CLASP1: variants seen among roughly 807,000 people sequenced by gnomAD.
The protein encoded by CLASP1 is CLIP-associating protein 1.
In CLASP1, 38 loss-of-function variants were observed where a neutral mutation model predicts 192.3. The observed-to-expected ratio is 0.20, with a 90% CI of 0.15 to 0.26. The LOEUF is 0.26. Among genes scored for constraint, CLASP1 ranks in the 10% least tolerant of loss-of-function variants. The pLI is 1.00. For synonymous variants in CLASP1, 691 were observed against 712.8 expected (o/e 0.97, Z 0.49); for missense variants, 1,433 against 1,932.5 (o/e 0.74, Z 4.85).
At chr2:121,530,812 C>A in intron 2 of CLASP1, 2 of 627,590 alleles carry the variant, frequency 3.2e-6, no homozygotes, top group Admixed American at 2.4e-5. Context: ...GCGAGGCTCA[C>A]GAATTAATTA....
chr2:121,374,109 T>G (rs940735031), intron 34 of CLASP1, among the ~76,000 whole-genome samples: 1 of 152,250 alleles, frequency 6.6e-6, no homozygotes, highest in Non-Finnish European at 1.5e-5. Flanking sequence ...AATGGTTTTG[T>G]GGGCCAGGCC....
chr2:121,614,128 T>G (rs185941602), intron 1 of CLASP1, among the ~76,000 whole-genome samples: 2 of 152,340 alleles, frequency 1.3e-5, no homozygotes, highest in East Asian at 3.9e-4. Context: ...TCCTGAGACC[T>G]GGGATCCACA....
intron 8 of CLASP1, among the ~76,000 whole-genome samples, chr2:121,493,921 G>A (rs1000914131): frequency 3.1e-4 from 47 of 152,292 alleles, no homozygotes; most frequent in African/African-American, 1.1e-3. Context: ...CAGTTGAAAT[G>A]GCTTTAATCC....
intron 8 of CLASP1, among the ~76,000 whole-genome samples, chr2:121,478,796 CACACCACA>C (rs2092118697): frequency 3.0e-5 from 2 of 65,634 alleles, no homozygotes; most frequent in Non-Finnish European, 3.6e-5. Context: ...ACACACACCA[CACACCACA>C]CACACACCCC....
chr2:121,465,074 G>T (rs968721073), intron 9 of CLASP1, among the ~76,000 whole-genome samples: 1 of 152,138 alleles, frequency 6.6e-6, no homozygotes, highest in African/African-American at 2.4e-5. Flanking sequence ...TGCTGAATGG[G>T]CAAAAACTGG....
At chr2:121,438,495 A>G (rs1008737927) in intron 19 of CLASP1, among the ~76,000 whole-genome samples, 13 of 152,278 alleles carry the variant, frequency 8.5e-5, no homozygotes, top group East Asian at 3.9e-4. Flanking sequence ...CCAACTCTCA[A>G]TCTTCACCTT....
At chr2:121,640,817 C>T (rs962957022) in intron 1 of CLASP1, among the ~76,000 whole-genome samples, 7 of 152,188 alleles carry the variant, frequency 4.6e-5, no homozygotes, top group Non-Finnish European at 7.3e-5. Context: ...TATAAAATGA[C>T]AATAGCACCT....
At chr2:121,612,798 C>T (rs1267282927) in intron 1 of CLASP1, among the ~76,000 whole-genome samples, 1 of 152,194 alleles carries the variant, frequency 6.6e-6, no homozygotes, top group East Asian at 1.9e-4. Flanking sequence ...ATAAACAGGA[C>T]TCAGCCCTTG....
At chr2:121,545,522 C>T (rs1421069705) in intron 2 of CLASP1, among the ~76,000 whole-genome samples, 1 of 151,982 alleles carries the variant, frequency 6.6e-6, no homozygotes, top group Non-Finnish European at 1.5e-5. Flanking sequence ...CATTTCTTTT[C>T]GTGTCATTTT....
chr2:121,547,946 T>G (rs576068816), intron 2 of CLASP1, among the ~76,000 whole-genome samples: 11 of 152,158 alleles, frequency 7.2e-5, no homozygotes, highest in East Asian at 1.9e-4. Flanking sequence ...CAATCTACAC[T>G]GCAGTTAAAG....
rs186953185 is a variant in CLASP1 at position 121,364,987 on chromosome 2, A to G, written c.4077+107T>C. ...AACAAATAAATGTTTTGATGTAAAC[A>G]GTAAGCACAACCCAGAAAGTAAAGC... On this transcript the variant is annotated intron_variant, in intron 36 of 39. Coordinates refer to ENST00000263710, the Ensembl canonical transcript of CLASP1. 5.2e-4 allele frequency: 532 copies of G among 1,015,506 alleles called. 4 individuals are homozygous for G. In the East Asian group the frequency reaches 8.6e-3, roughly 16 times the overall value. 62.9% of individuals were successfully genotyped at this position (1,015,506 alleles called of 1,614,324 possible). A position where few individuals can be genotyped will look rare whatever the true frequency, so the allele number is the denominator to read the frequency against.
chr2:121,556,249 G>A (rs1366707257), intron 2 of CLASP1, among the ~76,000 whole-genome samples: 2 of 152,088 alleles, frequency 1.3e-5, no homozygotes, highest in East Asian at 3.9e-4. Context: ...GCCTCCCAAA[G>A]TGCTGGGATT....
At chr2:121,454,920 G>T (rs1283595529) in intron 14 of CLASP1, among the ~76,000 whole-genome samples, 1 of 152,226 alleles carries the variant, frequency 6.6e-6, no homozygotes, top group Admixed American at 6.5e-5. Flanking sequence ...TTTACGTAAT[G>T]ATTGTGAATC....
intron 2 of CLASP1, among the ~76,000 whole-genome samples, chr2:121,555,915 G>C (rs983193461): frequency 6.8e-6 from 1 of 146,622 alleles, no homozygotes; most frequent in African/African-American, 2.5e-5. Context: ...CTGACCTCGT[G>C]ATCCACCCAC....
At chr2:121,601,044 G>A (rs2063725646) in intron 2 of CLASP1, among the ~76,000 whole-genome samples, 1 of 152,116 alleles carries the variant, frequency 6.6e-6, no homozygotes, top group Non-Finnish European at 1.5e-5. Flanking sequence ...CTCCTTCCCT[G>A]GACATTGCCT....
At chr2:121,559,427 A>G (rs1012335535) in intron 2 of CLASP1, among the ~76,000 whole-genome samples, 1 of 152,198 alleles carries the variant, frequency 6.6e-6, no homozygotes, top group Non-Finnish European at 1.5e-5. Context: ...ATAGTCAAAA[A>G]GTGAAAACAA....
At chr2:121,420,844 T>G (rs1350319770) in intron 22 of CLASP1, among the ~76,000 whole-genome samples, 1 of 152,180 alleles carries the variant, frequency 6.6e-6, no homozygotes, top group Non-Finnish European at 1.5e-5. Context: ...GGGAAAAAAA[T>G]GCTCTTTTTC....
At chr2:121,551,374 T>C (rs1346810075) in intron 2 of CLASP1, among the ~76,000 whole-genome samples, 9 of 151,982 alleles carry the variant, frequency 5.9e-5, no homozygotes, top group Admixed American at 5.3e-4. Flanking sequence ...GAGAAAGAAA[T>C]AAAGGCATCC....
At chr2:121,379,066 G>T (rs2070980508) in intron 33 of CLASP1, among the ~76,000 whole-genome samples, 1 of 151,792 alleles carries the variant, frequency 6.6e-6, no homozygotes, top group Admixed American at 6.6e-5. Flanking sequence ...ATGTAGCAAT[G>T]ATCCAAGTGT....
Sources: allele counts gnomAD v4.1 joint callset (sites outside exome capture counted in the v4.1 genomes callset), GRCh38; gene constraint gnomAD v4.1.1; transcripts MANE v1.5; gene names NCBI Gene and HGNC (gene_info 2026-07-23, HGNC 2026-07-21).